Variants in HDAC4 observed in about 807,000 individuals in gnomAD.
The protein encoded by HDAC4 is histone deacetylase A.
HDAC4 carries 16 observed loss-of-function variants against 135.1 expected under a neutral mutation model. The observed-to-expected ratio is 0.12, with a 90% CI of 0.08 to 0.18. The LOEUF (loss-of-function observed/expected upper bound fraction) is 0.18. Ranked by LOEUF, HDAC4 falls within the 10% of genes least tolerant of loss-of-function variation. The pLI is 1.00. For missense variants in HDAC4, 1,143 were observed against 1,511.8 expected (o/e 0.76, Z 4.05); for synonymous variants, 685 against 653.4 (o/e 1.05, Z -0.74).
intron 18 of HDAC4, among the ~76,000 whole-genome samples, chr2:239,087,898 G>C (rs1407550197): frequency 2.0e-5 from 3 of 152,200 alleles, no homozygotes; most frequent in Non-Finnish European, 4.4e-5. Flanking sequence ...AGAACTGTCG[G>C]TGAGGCGTGG....
At chr2:239,176,622 C>T (rs1021083797) in intron 4 of HDAC4, 59 bp from the exon 5 acceptor site, 4 of 1,548,794 alleles carry the variant, frequency 2.6e-6, no homozygotes, top group Non-Finnish European at 1.8e-6. Flanking sequence ...CACACAGAGA[C>T]CCAATGAAGA....
intron 5 of HDAC4, among the ~76,000 whole-genome samples, chr2:239,166,915 T>G (rs906357929): frequency 6.6e-6 from 1 of 152,214 alleles, no homozygotes; most frequent in Non-Finnish European, 1.5e-5. Flanking sequence ...GTAACTTCAA[T>G]TTTTTGCCTT....
At chr2:239,234,468 G>A (rs2047766850) in intron 3 of HDAC4, among the ~76,000 whole-genome samples, 1 of 152,188 alleles carries the variant, frequency 6.6e-6, no homozygotes, top group African/African-American at 2.4e-5. Flanking sequence ...CAGGCTGCAG[G>A]AGAGGTCCAG....
At chr2:239,084,718 A>C (rs1202463252) in intron 19 of HDAC4, among the ~76,000 whole-genome samples, 1 of 126,464 alleles carries the variant, frequency 7.9e-6, no homozygotes, top group Non-Finnish European at 1.7e-5. Flanking sequence ...CACGCCCTAC[A>C]CACATACATG....
chr2:239,058,652 CTTCAA>C (rs1304956575), intron 24 of HDAC4, among the ~76,000 whole-genome samples: 14 of 152,322 alleles, frequency 9.2e-5, no homozygotes, highest in African/African-American at 2.4e-5. Flanking sequence ...TGTGATAAGA[CTTCAA>C]TTCATCACGA....
intron 18 of HDAC4, 182 bp downstream of exon 18, chr2:239,089,827 A>ACC: frequency 1.6e-6 from 1 of 636,622 alleles, no homozygotes; most frequent in Non-Finnish European, 2.9e-6. Flanking sequence ...ACCCTATCAC[A>ACC]AATGTGGGCA....
In HDAC4 at chr2:239,306,940, C is replaced by G. The variant is rs886940492; in HGVS notation, c.22+45738G>C. Reference sequence around the variant, plus strand: ...CCTCCCGTGTGCACCTCCCCAAGGGCGCCTGCACCCTGGGCCCAGGGTAAC... The same window carrying G: ...CCTCCCGTGTGCACCTCCCCAAGGGGGCCTGCACCCTGGGCCCAGGGTAAC... On this transcript the variant is annotated intron_variant, in intron 2 of 26. Coordinates refer to ENST00000543185, the MANE Select transcript of HDAC4 (RefSeq NM_001378414.1). This position sits in a 1 kb window ranked among gnomAD's most constrained non-coding sequence, Gnocchi z 4.5. 6.6e-6 allele frequency among the ~76,000 whole-genome samples: 1 copy of G among 151,984 alleles called. No homozygotes were observed. Among genetic ancestry groups the G allele is most frequent in the East Asian group, 2.0e-4 (1 of 5,108 alleles).
At chr2:239,075,004 A>T (rs944804016) in intron 22 of HDAC4, among the ~76,000 whole-genome samples, 2 of 152,114 alleles carry the variant, frequency 1.3e-5, no homozygotes, top group African/African-American at 4.8e-5. Flanking sequence ...CAGGCGGATC[A>T]TGAGGTCAGG....
At chr2:239,077,765 C>T (rs879908081) in intron 22 of HDAC4, among the ~76,000 whole-genome samples, 5 of 152,160 alleles carry the variant, frequency 3.3e-5, no homozygotes, top group East Asian at 3.8e-4. Context: ...AGACATCAGG[C>T]GCTGCGACTC....
At chr2:239,343,278 T>G (rs1022215225) in intron 2 of HDAC4, among the ~76,000 whole-genome samples, 3 of 152,226 alleles carry the variant, frequency 2.0e-5, no homozygotes, top group Non-Finnish European at 4.4e-5. Flanking sequence ...AAGAGAAGGA[T>G]GCTAAGTGGC....
At chr2:239,336,793 T>C (rs1339564607) in intron 2 of HDAC4, among the ~76,000 whole-genome samples, 2 of 152,260 alleles carry the variant, frequency 1.3e-5, no homozygotes, top group East Asian at 1.9e-4. Flanking sequence ...CTGACATTAC[T>C]GTCATTAACT....
At chr2:239,172,493 G>A (rs2043517657) in intron 5 of HDAC4, among the ~76,000 whole-genome samples, 1 of 151,854 alleles carries the variant, frequency 6.6e-6, no homozygotes. Context: ...AAAACTTGTG[G>A]GATGCAGATA....
At chr2:239,335,486 A>G (rs1272787378) in intron 2 of HDAC4, among the ~76,000 whole-genome samples, 1 of 148,332 alleles carries the variant, frequency 6.7e-6, no homozygotes, top group African/African-American at 2.5e-5. Flanking sequence ...TTGGACTATT[A>G]AAATTAAGAG....
chr2:239,143,282 C>T (rs940210953), intron 8 of HDAC4, among the ~76,000 whole-genome samples: 22 of 151,916 alleles, frequency 1.4e-4, no homozygotes, highest in African/African-American at 2.4e-4. Context: ...AACAAAAAAA[C>T]GCAAAGGTTC....
At chr2:239,291,123 C>T (rs2051465164) in intron 2 of HDAC4, among the ~76,000 whole-genome samples, 1 of 152,234 alleles carries the variant, frequency 6.6e-6, no homozygotes, top group Non-Finnish European at 1.5e-5. Flanking sequence ...AATCCAAGTT[C>T]CCAACAAAGA....
At chr2:239,211,531 T>C (rs1021712243) in intron 3 of HDAC4, among the ~76,000 whole-genome samples, 9 of 152,236 alleles carry the variant, frequency 5.9e-5, no homozygotes, top group Non-Finnish European at 1.3e-4. Context: ...GAATCTGCAT[T>C]TGAAATTGCC....
rs1037903474 is a variant in HDAC4 at position 239,308,572 on chromosome 2, C to G, written c.22+44106G>C. Among the ~76,000 whole-genome samples the G allele has an allele frequency of 5.9e-5, 9 of 152,184 alleles. No homozygotes were observed. Among genetic ancestry groups the G allele is most frequent in the African/African-American group, 1.9e-4 (8 of 41,436 alleles). On this transcript the variant is annotated intron_variant, in intron 2 of 26. Transcript: ENST00000543185. This position sits in a 1 kb window ranked among gnomAD's most constrained non-coding sequence, Gnocchi z 4.2. ...CACAGCCAGATACTGCTTCCGGAAC[C>G]ACACTTCGTATCCAGGTGAGCTCGT...
rs2040198082 is a variant in HDAC4, at chr2:239,126,482, G to A, written c.1507C>T (p.Gln503Ter). Residue 503 changes from glutamine to a stop codon, truncating the protein, a stop_gained, in exon 12 of 27, where the codon CAG (glutamine) becomes TAG (stop). Coordinates refer to ENST00000543185, the MANE Select transcript of HDAC4 (RefSeq NM_001378414.1). LOFTEE classifies it high-confidence loss of function. Reference protein sequence around the residue: ...QFLEKHKQQFQQQQLQMNKII... With the variant: ...QFLEKHKQQF ...TTGTTCATCTGCAGTTGCTGCTGCT[G>A]GAACTGCTGCTTGTGTTTCTCCAGA... 1 of 1,613,704 alleles carries A rather than the reference G, an allele frequency of 6.2e-7. No homozygotes were observed. Among genetic ancestry groups the A allele is most frequent in the African/African-American group, 1.3e-5 (1 of 74,956 alleles).
At chr2:239,179,270 C>G (rs1159752906) in intron 4 of HDAC4, among the ~76,000 whole-genome samples, 1 of 152,336 alleles carries the variant, frequency 6.6e-6, no homozygotes, top group South Asian at 2.1e-4. Flanking sequence ...TTCAATCCCT[C>G]TACGACAGGG....
Sources: allele counts gnomAD v4.1 joint callset (sites outside exome capture counted in the v4.1 genomes callset), GRCh38; gene constraint gnomAD v4.1.1; non-coding constraint Gnocchi (gnomAD v3.1); transcripts MANE v1.5; gene names NCBI Gene and HGNC (gene_info 2026-07-23, HGNC 2026-07-21).